Variants in SNRPN observed in about 807,000 individuals in gnomAD.
The protein encoded by SNRPN is small nuclear ribonucleoprotein polypeptide N, also known as small nuclear ribonucleoprotein-associated protein N.
In SNRPN, 7 loss-of-function variants were observed where a neutral mutation model predicts 25.2. The ratio of observed to expected loss-of-function variants is 0.28; its 90% confidence interval spans 0.16 to 0.52. The LOEUF (loss-of-function observed/expected upper bound fraction) is 0.52, where lower values mean the gene tolerates loss of function less well. SNRPN is among the 20% of genes least tolerant of loss of function. SNRPN has a pLI of 0.96. For missense variants in SNRPN, 196 were observed against 322.5 expected (o/e 0.61, Z 3.00); for synonymous variants, 124 against 110.6 (o/e 1.12, Z -0.76).
chr15:24,893,970 A>C (rs1037529113), intron 2 of SNRPN, among the ~76,000 whole-genome samples: 2 of 152,242 alleles, frequency 1.3e-5, no homozygotes, highest in African/African-American at 4.8e-5. Context: ...ATGCAGAGGC[A>C]TCTTCAAAGA....
chr15:24,828,053 G>A (rs1019880991), intron 1 of SNRPN, among the ~76,000 whole-genome samples: 2 of 151,820 alleles, frequency 1.3e-5, no homozygotes, highest in African/African-American at 4.8e-5. Context: ...TTATATTTAT[G>A]GAAAAAGCCC....
At chr15:24,936,430 A>G (rs2061239016) in intron 3 of SNRPN, among the ~76,000 whole-genome samples, 1 of 152,156 alleles carries the variant, frequency 6.6e-6, no homozygotes, top group East Asian at 1.9e-4. Context: ...AGATTTGAAC[A>G]TGGTACAAAT....
At position 24,909,756 on chromosome 15, in the gene SNRPN, A is replaced by T; in HGVS notation, c.-504-10255A>T. 4 of 1,281,086 alleles carry T rather than the reference A, an allele frequency of 3.1e-6. No individual in the cohort carries two copies. The South Asian group carries it at 4.8e-5, about 15-fold the overall frequency. 79.4% of individuals were successfully genotyped at this position (1,281,086 alleles called of 1,614,324 possible). On this transcript the variant is annotated intron_variant, in intron 2 of 11. Transcript: ENST00000400097. ...TCGTAATCAGTTTTACCCTCTCATC[A>T]TCGTCTTCTAAATTTCACTTGGTAT...
At chr15:24,956,702 G>T (rs74624359) in intron 1 of SNRPN, among the ~76,000 whole-genome samples, 25 of 152,194 alleles carry the variant, frequency 1.6e-4, no homozygotes, top group Admixed American at 1.2e-3. Context: ...CGCAGTAGAG[G>T]GGGGAGGAGG....
intron 1 of SNRPN, among the ~76,000 whole-genome samples, chr15:24,857,092 G>A (rs1336064205): frequency 1.3e-5 from 2 of 152,256 alleles, no homozygotes; most frequent in East Asian, 1.9e-4. Flanking sequence ...GCTCAGAATC[G>A]CATGCTTTAA....
chr15:24,901,257 T>A (rs1384974374), intron 2 of SNRPN, among the ~76,000 whole-genome samples: 1 of 152,170 alleles, frequency 6.6e-6, no homozygotes, highest in Non-Finnish European at 1.5e-5. Flanking sequence ...GTACAATTTG[T>A]TTTAAAGGCC....
At chr15:24,956,588 G>A (rs2062948004) in intron 1 of SNRPN, among the ~76,000 whole-genome samples, 1 of 152,214 alleles carries the variant, frequency 6.6e-6, no homozygotes, top group African/African-American at 2.4e-5. Context: ...AGTGGGGCGA[G>A]ACGTGGGGCA....
chr15:24,950,603 A>T (rs1329706676), upstream of SNRPN, among the ~76,000 whole-genome samples: 1 of 130,702 alleles, frequency 7.7e-6, no homozygotes, highest in Non-Finnish European at 1.5e-5. Flanking sequence ...GGCGGAGTGC[A>T]GTGGTGCCAT....
intron 2 of SNRPN, among the ~76,000 whole-genome samples, chr15:24,847,111 C>T (rs1317592164): frequency 6.6e-6 from 1 of 152,210 alleles, no homozygotes; most frequent in East Asian, 1.9e-4. Context: ...ACCTAGAAAA[C>T]GACATTTTGG....
At chr15:24,935,852 C>T (rs1329247402) in intron 3 of SNRPN, among the ~76,000 whole-genome samples, 1 of 152,120 alleles carries the variant, frequency 6.6e-6, no homozygotes, top group Non-Finnish European at 1.5e-5. Flanking sequence ...GGTGCGGTGG[C>T]TCACCCCTGT....
intron 3 of SNRPN, among the ~76,000 whole-genome samples, chr15:24,946,204 C>T (rs922070023): frequency 6.6e-6 from 1 of 152,038 alleles, no homozygotes; most frequent in African/African-American, 2.4e-5. Context: ...ACTTTGAGTA[C>T]GGTTCTTTTC....
chr15:24,918,510 TAA>T (rs1491100742), intron 2 of SNRPN, among the ~76,000 whole-genome samples: 260 of 124,444 alleles, frequency 2.1e-3, no homozygotes, highest in South Asian at 3.4e-3. Flanking sequence ...ATATATAACA[TAA>T]TATATATATG....
rs2055177815 is a variant in SNRPN, at chr15:24,871,980, C to T, written c.-578-14536C>T. Reference sequence around the variant, plus strand: ...TCAGCCTCCCAAAGTGCTAGGATTACAGGCGTAAGCCACCACGCCCGGCCT... The same window carrying T: ...TCAGCCTCCCAAAGTGCTAGGATTATAGGCGTAAGCCACCACGCCCGGCCT... On this transcript the variant is annotated intron_variant, in intron 1 of 11. Transcript: ENST00000400097. 1.7e-5 allele frequency among the ~76,000 whole-genome samples: 2 copies of T among 120,958 alleles called. 1 individual carries two copies. Among genetic ancestry groups the T allele is most frequent in the Non-Finnish European group, 3.6e-5 (2 of 55,008 alleles). 79.4% of individuals were successfully genotyped at this position (120,958 alleles called of 152,430 possible). A position where few individuals can be genotyped will look rare whatever the true frequency, so the allele number is the denominator to read the frequency against.
Position 24,835,079 on chromosome 15 carries a change from CTA to C in SNRPN, c.-579+5181_-579+5182del, listed in dbSNP as rs1159649346. 5.0e-3 allele frequency among the ~76,000 whole-genome samples: 188 copies of C among 37,906 alleles called. 31 individuals are homozygous for C. Among genetic ancestry groups the C allele is most frequent in the African/African-American group, 0.013 (176 of 13,378 alleles). 24.9% of individuals were successfully genotyped at this position (37,906 alleles called of 152,430 possible). A position where few individuals can be genotyped will look rare whatever the true frequency, so the allele number is the denominator to read the frequency against. On this transcript the variant is annotated intron_variant, in intron 2 of 12. Coordinates refer to the SNRPN transcript ENST00000400100. ...AAATATAGATATATAGTATATATAT[CTA>C]TATATAAAATATATAGATATATATA...
At chr15:24,848,711 C>T (rs2052499613) in intron 2 of SNRPN, 1 of 151,948 alleles carries the variant, frequency 6.6e-6, no homozygotes, top group South Asian at 2.1e-4. Context: ...CTACTTTAAT[C>T]ATTTGTGTAT....
At chr15:24,974,665 G>A (rs1045565940) in intron 4 of SNRPN, 17 of 634,846 alleles carry the variant, frequency 2.7e-5, no homozygotes, top group Non-Finnish European at 4.2e-5. Context: ...CTGTCTCCCA[G>A]TCTGGAGTGC....
At chr15:24,826,615 A>G (rs1358269797) in intron 1 of SNRPN, among the ~76,000 whole-genome samples, 1 of 152,144 alleles carries the variant, frequency 6.6e-6, no homozygotes, top group Non-Finnish European at 1.5e-5. Flanking sequence ...ATACAAAGGA[A>G]CAATGTGAAT....
At chr15:24,942,138 T>C (rs1388681328) in intron 3 of SNRPN, 1 of 152,214 alleles carries the variant, frequency 6.6e-6, no homozygotes, top group African/African-American at 2.4e-5. Flanking sequence ...GATGGAAATA[T>C]TCCTGCTGTT....
chr15:24,901,203 G>C (rs2058429781), intron 2 of SNRPN, among the ~76,000 whole-genome samples: 1 of 152,138 alleles, frequency 6.6e-6, no homozygotes, highest in African/African-American at 2.4e-5. Context: ...GAGGAAGAGG[G>C]CTCAAACATC....
Sources: allele counts gnomAD v4.1 joint callset (sites outside exome capture counted in the v4.1 genomes callset), GRCh38; gene constraint gnomAD v4.1.1; transcripts MANE v1.5; gene names NCBI Gene and HGNC (gene_info 2026-07-23, HGNC 2026-07-21).